Variants in PPM1E observed in about 807,000 individuals in gnomAD.
PPM1E encodes the protein protein phosphatase 1E.
In PPM1E, 20 loss-of-function variants were observed where a neutral mutation model predicts 65.9. The observed-to-expected ratio is 0.30, with a 90% CI of 0.21 to 0.44. PPM1E has a LOEUF of 0.44. PPM1E is among the 20% of genes least tolerant of loss of function. The pLI is 1.00. For synonymous variants in PPM1E, 352 were observed against 374.9 expected (o/e 0.94, Z 0.70); for missense variants, 713 against 953.1 (o/e 0.75, Z 3.32).
At chr17:58,976,440 G>A (rs2030998414) in intron 6 of PPM1E, among the ~76,000 whole-genome samples, 1 of 152,104 alleles carries the variant, frequency 6.6e-6, no homozygotes, top group Non-Finnish European at 1.5e-5. Flanking sequence ...GAAACCACAT[G>A]GAATAAAATG....
In PPM1E at chr17:58,980,964, T is replaced by C; in HGVS notation, c.2201T>C (p.Met734Thr). The C allele has an allele frequency of 6.2e-7, 1 of 1,614,128 alleles. No homozygotes were observed. Among genetic ancestry groups the C allele is most frequent in the Non-Finnish European group, 8.5e-7 (1 of 1,180,000 alleles). ...AGTTGGAAAGGGTACAGTGAAAACA[T>C]GAGGAAGCTCAGAAAGACTCATGAT... ...QNSWKGYSEN[M>T]RKLRKTHDIP... The change falls in exon 7 of 7, where the codon ATG (methionine) becomes ACG (threonine). Residue 734 changes from methionine to threonine, a missense_variant. Met to Thr is a moderately conservative substitution (Grantham distance 81). Transcript: ENST00000308249. The surrounding 1 kb of genome is among the most constrained non-coding windows in gnomAD (Gnocchi z 4.7).
intron 1 of PPM1E, among the ~76,000 whole-genome samples, chr17:58,794,229 G>GC (rs2050184757): frequency 6.6e-6 from 1 of 151,958 alleles, no homozygotes; most frequent in Non-Finnish European, 1.5e-5. Context: ...ACAGGCAGGA[G>GC]CCACCATGCC....
intron 1 of PPM1E, among the ~76,000 whole-genome samples, chr17:58,865,758 C>T (rs978590735): frequency 2.0e-5 from 3 of 152,152 alleles, no homozygotes; most frequent in Admixed American, 6.6e-5. Flanking sequence ...TTTATCTCCC[C>T]TTTTTAGACT....
intron 1 of PPM1E, among the ~76,000 whole-genome samples, chr17:58,776,334 A>C (rs910775112): frequency 6.6e-6 from 1 of 152,210 alleles, no homozygotes; most frequent in Non-Finnish European, 1.5e-5. Flanking sequence ...TCCAAAAAAA[A>C]GCAGGGAGAG....
intron 1 of PPM1E, among the ~76,000 whole-genome samples, chr17:58,802,885 C>A (rs1421260361): frequency 6.6e-6 from 1 of 151,316 alleles, no homozygotes; most frequent in Non-Finnish European, 1.5e-5. Context: ...TTTTTTTTAT[C>A]CTACAAATTT....
At chr17:58,901,382 A>G (rs1489181739) in intron 1 of PPM1E, among the ~76,000 whole-genome samples, 2 of 152,220 alleles carry the variant, frequency 1.3e-5, no homozygotes, top group Admixed American at 6.5e-5. Flanking sequence ...CTATTAAAAA[A>G]TAAAAAATGG....
intron 1 of PPM1E, among the ~76,000 whole-genome samples, chr17:58,824,121 A>T (rs2050507979): frequency 6.6e-6 from 1 of 152,182 alleles, no homozygotes; most frequent in Non-Finnish European, 1.5e-5. Context: ...CATGAGTTAG[A>T]GAAAGGGTTG....
chr17:58,912,758 T>C (rs1598645943), intron 1 of PPM1E, among the ~76,000 whole-genome samples: 1 of 152,144 alleles, frequency 6.6e-6, no homozygotes, highest in South Asian at 2.1e-4. Flanking sequence ...GATTAAAAGA[T>C]TGAAACTTTC....
Position 58,793,625 on chromosome 17 carries a change from G to A in PPM1E, c.464+37164G>A, listed in dbSNP as rs544964456. ...CCTGCCTAGGACTCCCAAAGTGCTGGGATTACAAGCATGAGCCACTGTGCC... is the reference window on the plus strand; with the variant it reads ...CCTGCCTAGGACTCCCAAAGTGCTGAGATTACAAGCATGAGCCACTGTGCC... On this transcript the variant is annotated intron_variant, in intron 1 of 6. Coordinates refer to ENST00000308249, the MANE Select transcript of PPM1E (RefSeq NM_014906.5). 2.4e-4 allele frequency among the ~76,000 whole-genome samples: 36 copies of A among 151,962 alleles called. No homozygotes were observed. In the East Asian group the frequency reaches 6.6e-3, roughly 28 times the overall value.
At chr17:58,902,027 T>C (rs1598639754) in intron 1 of PPM1E, among the ~76,000 whole-genome samples, 1 of 152,156 alleles carries the variant, frequency 6.6e-6, no homozygotes, top group Admixed American at 6.5e-5. Context: ...ATATAATTAT[T>C]TTATAATAGC....
intron 1 of PPM1E, among the ~76,000 whole-genome samples, chr17:58,876,317 G>T (rs2051126249): frequency 1.3e-5 from 2 of 151,982 alleles, no homozygotes; most frequent in African/African-American, 2.4e-5. Context: ...TATTTTCTTT[G>T]TATTAATAGG....
intron 2 of PPM1E, 149 bp from the exon 3 acceptor site, chr17:58,965,545 A>T (rs1272307064): frequency 3.9e-6 from 3 of 766,546 alleles, no homozygotes; most frequent in Non-Finnish European, 6.6e-6. Flanking sequence ...TCTCTTCAGA[A>T]GCAGCATTTC....
chr17:58,815,812 C>T (rs1434735327), intron 1 of PPM1E, among the ~76,000 whole-genome samples: 1 of 152,024 alleles, frequency 6.6e-6, no homozygotes, highest in Admixed American at 6.5e-5. Context: ...TTTTCCCACT[C>T]TTAATGATAA....
chr17:58,869,271 C>G (rs1189112773), intron 1 of PPM1E, among the ~76,000 whole-genome samples: 1 of 152,176 alleles, frequency 6.6e-6, no homozygotes, highest in African/African-American at 2.4e-5. Context: ...CCAAATCTTT[C>G]ATAGTGTGAC....
At chr17:58,871,573 G>A (rs538941132) in intron 1 of PPM1E, among the ~76,000 whole-genome samples, 1 of 152,062 alleles carries the variant, frequency 6.6e-6, no homozygotes, top group Non-Finnish European at 1.5e-5. Context: ...TCAGCACTTT[G>A]GGAGGCTGAG....
intron 1 of PPM1E, among the ~76,000 whole-genome samples, chr17:58,815,820 TAA>T (rs910415554): frequency 2.8e-4 from 42 of 152,158 alleles, no homozygotes; most frequent in Non-Finnish European, 4.6e-4. Context: ...CTCTTAATGA[TAA>T]GAGAGATTTT....
In PPM1E at chr17:58,806,701, T is replaced by TC. The variant is rs201479571; in HGVS notation, c.464+50240_464+50241insC. Among the ~76,000 whole-genome samples, 18 of 109,308 alleles carry TC rather than the reference T, an allele frequency of 1.6e-4. No individual in the cohort carries two copies. In the East Asian group the frequency reaches 3.3e-3, roughly 20 times the overall value. The allele number at this position is 109,308 out of a possible 152,430, so 71.7% of individuals were successfully genotyped here. On this transcript the variant is annotated intron_variant, in intron 1 of 6. Transcript: ENST00000308249. Reference sequence around the variant, plus strand: ...TTATCTTGTTTTGTTTTGTTTTCTTTTTTTTTTTTTTTTTTTGAAATGGAG... The same window carrying TC: ...TTATCTTGTTTTGTTTTGTTTTCTTTCTTTTTTTTTTTTTTTTGAAATGGAG...
intron 1 of PPM1E, among the ~76,000 whole-genome samples, chr17:58,803,721 T>C (rs2050279718): frequency 6.6e-6 from 1 of 152,188 alleles, no homozygotes; most frequent in South Asian, 2.1e-4. Context: ...CAGTAACCTG[T>C]AAGACAAAAG....
Position 58,891,649 on chromosome 17 carries a change from T to C in PPM1E, c.465-64000T>C, listed in dbSNP as rs373629294. Among the ~76,000 whole-genome samples the C allele has an allele frequency of 2.6e-5, 4 of 152,130 alleles. No individual in the cohort carries two copies. In the East Asian group the frequency reaches 7.8e-4, roughly 30 times the overall value. On this transcript the variant is annotated intron_variant, in intron 1 of 6. Transcript: ENST00000308249. ...GATATATATCATTTTAATGAGTCTA[T>C]CTTAATTCAAAATTGCAGACTATAG...
Sources: gnomAD v4.1 joint callset for allele counts (sites outside exome capture counted in the v4.1 genomes callset) on GRCh38, gnomAD v4.1.1 for gene constraint, Gnocchi (gnomAD v3.1) non-coding constraint, MANE v1.5 for transcripts, NCBI Gene and HGNC (gene_info 2026-07-23, HGNC 2026-07-21) for gene names.